The following DENND2A variants were observed in gnomAD, a reference collection of about 807,000 sequenced individuals.
DENND2A encodes the protein DENN domain containing 2A, also known as DENN domain-containing protein 2A.
DENND2A carries 53 observed loss-of-function variants against 105.3 expected under a neutral mutation model. The ratio of observed to expected loss-of-function variants is 0.50; its 90% confidence interval spans 0.40 to 0.63. The LOEUF is 0.63. Among genes scored for constraint, DENND2A ranks in the 30% least tolerant of loss-of-function variants. The pLI is 0.00. For synonymous variants in DENND2A, 522 were observed against 508.4 expected (o/e 1.03, Z -0.36); for missense variants, 1,138 against 1,279.6 (o/e 0.89, Z 1.69).
rs1248873027 is a variant in DENND2A, at chr7:140,523,083, C to G, written c.2665+224G>C. 6.6e-6 allele frequency among the ~76,000 whole-genome samples: 1 copy of G among 152,050 alleles called. No homozygotes were observed. The highest frequency in any genetic ancestry group is 6.6e-5 in the Admixed American group (1 of 15,260). ...CCACCATGCCCAGATAATTTCCACGCCCCCCTTTTAAACAGGTACTTTAAG... is the reference window on the plus strand; with the variant it reads ...CCACCATGCCCAGATAATTTCCACGGCCCCCTTTTAAACAGGTACTTTAAG... On this transcript the variant is annotated intron_variant, in intron 17 of 19. Coordinates refer to ENST00000496613, the MANE Select transcript of DENND2A (RefSeq NM_015689.5). The surrounding 1 kb of genome is among the most constrained non-coding windows in gnomAD (Gnocchi z 4.5).
rs528232630 is a variant in DENND2A at position 140,636,709 on chromosome 7, G to A, written c.-248+3795C>T. Among the ~76,000 whole-genome samples, 795 of 114,866 alleles carry A rather than the reference G, an allele frequency of 6.9e-3. 3 individuals are homozygous for A. The highest frequency in any genetic ancestry group is 0.025 in the African/African-American group (750 of 29,624). The allele number at this position is 114,866 out of a possible 152,430, so 75.4% of individuals were successfully genotyped here. A position where few individuals can be genotyped will look rare whatever the true frequency, so the allele number is the denominator to read the frequency against. On this transcript the variant is annotated intron_variant, in intron 1 of 19. Coordinates refer to ENST00000496613, the MANE Select transcript of DENND2A (RefSeq NM_015689.5). ...CTTTTTTTTTTTTTTTTTTTTTTTG[G>A]ACACAGGGCCTCACTGTCGCCTAAG...
intron 15 of DENND2A, 27 bp from the exon 16 acceptor site, chr7:140,525,819 T>C: frequency 6.3e-7 from 1 of 1,584,226 alleles, no homozygotes; most frequent in Non-Finnish European, 8.6e-7. Context: ...AAGGGACTGT[T>C]ACTGTCACCA....
chr7:140,576,794 A>C (rs983269813), intron 5 of DENND2A, among the ~76,000 whole-genome samples: 2 of 152,222 alleles, frequency 1.3e-5, no homozygotes, highest in Non-Finnish European at 2.9e-5. Context: ...TAAGAGCACA[A>C]AAAGAAGGAA....
At chr7:140,629,145 A>T (rs990772321) in intron 1 of DENND2A, among the ~76,000 whole-genome samples, 2 of 152,238 alleles carry the variant, frequency 1.3e-5, no homozygotes, top group Non-Finnish European at 2.9e-5. Flanking sequence ...GACAATTAGG[A>T]CAACCAAAAC....
At chr7:140,553,404 C>T (rs181629804) in intron 12 of DENND2A, among the ~76,000 whole-genome samples, 98 of 152,362 alleles carry the variant, frequency 6.4e-4, no homozygotes, top group African/African-American at 2.3e-3. Flanking sequence ...AACGTACAAT[C>T]GGGTTTTATA....
chr7:140,522,197 C>A, intron 17 of DENND2A, 97 bp from the exon 18 acceptor site: 3 of 1,474,824 alleles, frequency 2.0e-6, no homozygotes, highest in Non-Finnish European at 2.7e-6. Context: ...ACAGTAACTG[C>A]TAGTTCCCTT....
chr7:140,606,796 C>A (rs1799703101), intron 1 of DENND2A, among the ~76,000 whole-genome samples: 1 of 152,204 alleles, frequency 6.6e-6, no homozygotes. Flanking sequence ...AAGGCAGCAG[C>A]CTCAGCTCAG....
At position 140,567,206 on chromosome 7, in the gene DENND2A, G is replaced by T; in HGVS notation, c.1659C>A (p.Ala553=). Reference sequence around the variant, plus strand: ...TCTCCTGGTACTCGATGAGTTCCCGGGCAAGTGATGGGTACCGAGGCGCCT... The same window carrying T: ...TCTCCTGGTACTCGATGAGTTCCCGTGCAAGTGATGGGTACCGAGGCGCCT... ...LKQAPRYPSL[A]RELIEYQERQ... is the part of the protein sequence containing the mutation. The change falls in exon 9 of 20, where the codon GCC becomes GCA. Residue 553 remains alanine, a synonymous_variant. Transcript: ENST00000496613. 1 of 1,613,800 alleles carries T rather than the reference G, an allele frequency of 6.2e-7. No individual in the cohort carries two copies. Among genetic ancestry groups the T allele is most frequent in the Non-Finnish European group, 8.5e-7 (1 of 1,179,966 alleles).
chr7:140,569,166 A>G (rs1797989394), intron 7 of DENND2A, among the ~76,000 whole-genome samples: 1 of 152,214 alleles, frequency 6.6e-6, no homozygotes, highest in African/African-American at 2.4e-5. Flanking sequence ...CCTCAGGTAG[A>G]TCCGCCTGTC....
At chr7:140,617,493 G>A (rs1477910055) in intron 1 of DENND2A, among the ~76,000 whole-genome samples, 1 of 152,150 alleles carries the variant, frequency 6.6e-6, no homozygotes, top group Non-Finnish European at 1.5e-5. Flanking sequence ...GGGAGGCCGA[G>A]GCGGGTGGAT....
rs180925738 is a variant in DENND2A, at chr7:140,551,193, C to G, written c.2038-4254G>C. ...GCGGGCTCCTGTAATCTCAGCTACT[C>G]GGGAGGCTGGGAAGGAGAATCACTT... is the stretch of plus-strand genomic sequence containing the variant. On this transcript the variant is annotated intron_variant, in intron 12 of 19. Transcript: ENST00000496613. Among the ~76,000 whole-genome samples the G allele has an allele frequency of 6.6e-3, 969 of 147,602 alleles. 13 individuals carry two copies. Among genetic ancestry groups the G allele is most frequent in the African/African-American group, 0.023 (906 of 40,026 alleles).
At chr7:140,619,088 G>A (rs763251074) in intron 1 of DENND2A, among the ~76,000 whole-genome samples, 2 of 152,228 alleles carry the variant, frequency 1.3e-5, no homozygotes, top group African/African-American at 2.4e-5. Flanking sequence ...ATGAGCCACC[G>A]CGCCCGGCCT....
At chr7:140,518,762 A>C in intron 19 of DENND2A, 24 bp from the exon 20 acceptor site, 1 of 1,611,206 alleles carries the variant, frequency 6.2e-7, no homozygotes, top group Non-Finnish European at 8.5e-7. Flanking sequence ...AAATGAGAAC[A>C]TTTCACAAGG....
chr7:140,601,936 G>A lies in DENND2A; in HGVS notation c.462C>T (p.Asn154=), dbSNP rs147680550. Residue 154 remains asparagine (N), a synonymous_variant, in exon 3 of 20, where the codon AAC becomes AAT. Transcript: ENST00000496613. The part of the protein sequence containing the change: ...EPRLGKLRFQ[N]DPLSVLKQVK... ...CCTGCTTCAGCACGGAGAGGGGATC[G>A]TTCTGAAAGCGTAGCTTGCCAAGTC... is the stretch of plus-strand genomic sequence containing the variant. 4.4e-4 allele frequency: 710 copies of A among 1,614,168 alleles called. No homozygotes were observed. Among genetic ancestry groups the A allele is most frequent in the Admixed American group, 6.8e-4 (41 of 60,028 alleles).
rs1795874202 is a variant in DENND2A at position 140,521,924 on chromosome 7, C to T, written c.2842G>A (p.Val948Ile). The T allele has an allele frequency of 1.2e-6, 2 of 1,614,092 alleles. No homozygotes were observed. The highest frequency in any genetic ancestry group is 1.7e-5 in the Admixed American group (1 of 60,010). ...CGAAACATCTGAGTCTCCATGAAGA[C>T]CTCCAGGAAGTGGCGGAGGCTCTTG... ...SSKSLRHFLE[V>I]FMETQMFRGF... The change falls in exon 18 of 20, where the codon GTC becomes ATC. Residue 948 changes from valine to isoleucine, a missense_variant. Val to Ile is a conservative substitution (Grantham distance 29, BLOSUM62 3). Around this residue, in one of 2 missense-constraint regions of DENND2A, gnomAD observed 627 missense variants for 779.8 expected, o/e 0.80. Coordinates refer to ENST00000496613, the MANE Select transcript of DENND2A (RefSeq NM_015689.5).
intron 9 of DENND2A, among the ~76,000 whole-genome samples, chr7:140,563,765 G>T (rs1221223514): frequency 6.7e-6 from 1 of 148,306 alleles, no homozygotes; most frequent in African/African-American, 2.5e-5. Flanking sequence ...CTTGAGCTCA[G>T]GAATTCGAGG....
Position 140,557,700 on chromosome 7 carries a change from C to T in DENND2A, c.1959+443G>A, listed in dbSNP as rs1301268632. On this transcript the variant is annotated intron_variant, in intron 11 of 19. Coordinates refer to ENST00000496613, the MANE Select transcript of DENND2A (RefSeq NM_015689.5). ...GACTACAGGCGCGTGCCACCATGCC[C>T]GGCTAATTTTTGTATTTTTAGTAGA... Among the ~76,000 whole-genome samples, 8 of 146,926 alleles carry T rather than the reference C, an allele frequency of 5.4e-5. No individual in the cohort carries two copies. In the South Asian group the frequency reaches 6.9e-4, roughly 13 times the overall value.
At chr7:140,560,858 C>T (rs1382386023) in intron 9 of DENND2A, among the ~76,000 whole-genome samples, 1 of 151,852 alleles carries the variant, frequency 6.6e-6, no homozygotes, top group East Asian at 1.9e-4. Flanking sequence ...TGCTTGAACC[C>T]AGGAGGTGGA....
intron 1 of DENND2A, among the ~76,000 whole-genome samples, chr7:140,608,558 C>T (rs1340543278): frequency 6.6e-6 from 1 of 151,854 alleles, no homozygotes; most frequent in Non-Finnish European, 1.5e-5. Flanking sequence ...TGCCTGCAGT[C>T]CCAGCTACTC....
Sources: gnomAD v4.1 joint callset for allele counts (sites outside exome capture counted in the v4.1 genomes callset) on GRCh38, gnomAD v4.1.1 for gene constraint, gnomAD v4.1.1 regional missense constraint, Gnocchi (gnomAD v3.1) non-coding constraint, MANE v1.5 for transcripts, NCBI Gene and HGNC (gene_info 2026-07-23, HGNC 2026-07-21) for gene names.